The following BICRA variants were observed in gnomAD, a reference collection of about 807,000 sequenced individuals.
BICRA encodes BRD4-interacting chromatin-remodeling complex-associated protein.
In BICRA, 31 loss-of-function variants were observed where a neutral mutation model predicts 96.9. That is an observed-to-expected ratio of 0.32 (90% confidence interval 0.24 to 0.43). The LOEUF (loss-of-function observed/expected upper bound fraction) is 0.43. BICRA is among the 20% of genes least tolerant of loss of function. The pLI, the probability that BICRA is intolerant of heterozygous loss-of-function variation, is 1.00. For synonymous variants in BICRA, 1,350 were observed against 1,071.8 expected, an observed-to-expected ratio of 1.26 and a Z score of -5.07; for missense variants, 2,283 against 2,190.3, an observed-to-expected ratio of 1.04 and a Z score of -0.84.
chr19:47,611,033 G>C (rs1427138384), intron 1 of BICRA, among the ~76,000 whole-genome samples: 1 of 152,114 alleles, frequency 6.6e-6, no homozygotes, highest in Admixed American at 6.5e-5. Context: ...AAATAGAGAC[G>C]GGACAGACAT....
chr19:47,683,589 CT>C (rs11448897), intron 7 of BICRA, among the ~76,000 whole-genome samples: 108 of 144,508 alleles, frequency 7.5e-4, no homozygotes, highest in Non-Finnish European at 7.7e-4. Context: ...GGGCTACGTT[CT>C]TTTTTTTTTT....
intron 1 of BICRA, among the ~76,000 whole-genome samples, chr19:47,622,697 C>T: frequency 7.8e-6 from 1 of 128,116 alleles, no homozygotes; most frequent in African/African-American, 3.0e-5. Flanking sequence ...GCACTCCAGC[C>T]TGGGTGACAG....
intron 11 of BICRA, among the ~76,000 whole-genome samples, chr19:47,697,820 T>C (rs1457474267): frequency 2.6e-5 from 4 of 152,112 alleles, no homozygotes; most frequent in African/African-American, 9.7e-5. Context: ...TCCTCCCACC[T>C]CAGTCTCCTG....
chr19:47,684,922 G>A (rs773736703), intron 7 of BICRA, among the ~76,000 whole-genome samples: 1 of 152,156 alleles, frequency 6.6e-6, no homozygotes, highest in Non-Finnish European at 1.5e-5. Flanking sequence ...CAGAGCCAGC[G>A]CTCAGTGAAC....
intron 1 of BICRA, among the ~76,000 whole-genome samples, chr19:47,615,043 C>T (rs8103999): frequency 0.034 from 5,243 of 152,208 alleles, 266 homozygotes; most frequent in African/African-American, 0.12. Flanking sequence ...AGTGCAGTGG[C>T]GCCATCACTT....
intron 1 of BICRA, among the ~76,000 whole-genome samples, chr19:47,619,210 A>ATG (rs768141914): frequency 1.7e-4 from 24 of 141,472 alleles, no homozygotes; most frequent in Non-Finnish European, 3.3e-4. Flanking sequence ...ACATATATAT[A>ATG]TACACATTTT....
At chr19:47,652,049 G>A (rs1432019916) in intron 1 of BICRA, among the ~76,000 whole-genome samples, 1 of 152,252 alleles carries the variant, frequency 6.6e-6, no homozygotes, top group Non-Finnish European at 1.5e-5. Context: ...GTCCTGGGCA[G>A]ATGTCGGCCT....
Position 47,694,381 on chromosome 19 carries a change from G to C in BICRA, c.2550G>C (p.Pro850=), listed in dbSNP as rs914673501. 3 of 1,055,910 alleles carry C rather than the reference G, an allele frequency of 2.8e-6. No individual in the cohort carries two copies. Among genetic ancestry groups the C allele is most frequent in the Non-Finnish European group, 4.0e-6 (3 of 747,264 alleles). 65.4% of individuals were successfully genotyped at this position (1,055,910 alleles called of 1,614,324 possible). Residue 850 remains proline, a synonymous_variant, in exon 8 of 15, where the codon CCG becomes CCC. Transcript: ENST00000594866. ...QLGVPPPASN[P]APTAPGPPQP... is the part of the protein sequence containing the mutation. ...GCGTTCCCCCGCCTGCCAGCAACCC[G>C]GCCCCTACTGCCCCAGGCCCGCCGC...
intron 1 of BICRA, among the ~76,000 whole-genome samples, chr19:47,664,186 G>A (rs1972742912): frequency 6.6e-6 from 1 of 152,138 alleles, no homozygotes; most frequent in Non-Finnish European, 1.5e-5. Context: ...GCAACCTGAG[G>A]TTACTCCAAT....
chr19:47,701,681 G>C lies in BICRA; in HGVS notation c.3949G>C (p.Gly1317Arg). 6.2e-7 allele frequency: 1 copy of C among 1,603,490 alleles called. No homozygotes were observed. Among genetic ancestry groups the C allele is most frequent in the Non-Finnish European group, 8.5e-7 (1 of 1,176,084 alleles). ...CAAGCTCAAGATCAAGCAGGAAGCC[G>C]GGCTCAGCAAGGTCGTGCACAACAC... Reference protein sequence around the residue: ...GLKLKIKQEAGLSKVVHNTAL... With the variant: ...GLKLKIKQEARLSKVVHNTAL... The change falls in exon 15 of 15, where the codon GGG (glycine) becomes CGG (arginine). Residue 1317 changes from glycine (G) to arginine (R), a missense_variant. Gly to Arg is a moderately radical substitution (Grantham distance 125). Transcript: ENST00000594866. This position sits in a 1 kb window ranked among gnomAD's most constrained non-coding sequence, Gnocchi z 5.4.
At chr19:47,657,531 G>A (rs1390763872) in intron 1 of BICRA, among the ~76,000 whole-genome samples, 2 of 151,904 alleles carry the variant, frequency 1.3e-5, no homozygotes, top group African/African-American at 4.8e-5. Flanking sequence ...CAAGTAGCTG[G>A]GACTACAGGT....
At chr19:47,689,531 C>G (rs1048517986) in intron 7 of BICRA, among the ~76,000 whole-genome samples, 3 of 152,222 alleles carry the variant, frequency 2.0e-5, no homozygotes, top group East Asian at 3.9e-4. Flanking sequence ...CCTGCCTCAG[C>G]CTCCGGAGTA....
rs527885475 is a variant in BICRA, at chr19:47,627,817, T to G, written c.-108+18649T>G. 1.1e-3 allele frequency among the ~76,000 whole-genome samples: 165 copies of G among 152,318 alleles called. No homozygotes were observed. In the Middle Eastern group the frequency reaches 0.014, roughly 13 times the overall value. ...CAGAGTCTTGCTCTGTTGCCCAGGC[T>G]GGAGTGCAGTGGCACGATCTCGGCT... On this transcript the variant is annotated intron_variant, in intron 1 of 14. Transcript: ENST00000594866.
At position 47,681,006 on chromosome 19, in the gene BICRA, C is replaced by T. The variant is rs1285697143; in HGVS notation, c.1836C>T (p.Thr612=). 6 of 1,456,796 alleles carry T rather than the reference C, an allele frequency of 4.1e-6. No individual in the cohort carries two copies. The highest frequency in any genetic ancestry group is 2.3e-4 in the Middle Eastern group (1 of 4,290). 90.2% of individuals were successfully genotyped at this position (1,456,796 alleles called of 1,614,324 possible). The change falls in exon 6 of 15, where the codon ACC becomes ACT. Residue 612 remains threonine, a synonymous_variant. Coordinates refer to ENST00000594866, the MANE Select transcript of BICRA (RefSeq NM_001394372.1). ...LVQPATPAAA[T]GEAAPVLTVQ... is the part of the protein sequence containing the mutation. ...AGCCGGCCACCCCTGCCGCTGCCAC[C>T]GGGGAGGCCGCGCCTGTCCTCACGG...
At chr19:47,678,912 T>TC in intron 5 of BICRA, 1 of 187,522 alleles carries the variant, frequency 5.3e-6, no homozygotes, top group Non-Finnish European at 1.1e-5. Context: ...TTTTTTTTTT[T>TC]TTCTTCTCAA....
At chr19:47,634,340 G>C (rs1226063781) in intron 1 of BICRA, among the ~76,000 whole-genome samples, 1 of 152,196 alleles carries the variant, frequency 6.6e-6, no homozygotes, top group East Asian at 1.9e-4. Flanking sequence ...CATGGGATCT[G>C]CCTTGTGGGA....
intron 1 of BICRA, among the ~76,000 whole-genome samples, chr19:47,650,110 G>T (rs1383898973): frequency 1.3e-5 from 2 of 151,774 alleles, no homozygotes; most frequent in Non-Finnish European, 2.9e-5. Context: ...ATGCCACCAT[G>T]CCTGGCTAAT....
chr19:47,616,730 G>A (rs1450379969), intron 1 of BICRA, among the ~76,000 whole-genome samples: 2 of 152,078 alleles, frequency 1.3e-5, no homozygotes, highest in Non-Finnish European at 2.9e-5. Flanking sequence ...GTGTTGTGAC[G>A]CTTCAATGAG....
At chr19:47,684,744 G>A (rs1973119207) in intron 7 of BICRA, among the ~76,000 whole-genome samples, 1 of 152,290 alleles carries the variant, frequency 6.6e-6, no homozygotes, top group African/African-American at 2.4e-5. Context: ...GCTGGCAAAT[G>A]GTAGGGCCTG....
Sources: allele counts gnomAD v4.1 joint callset (sites outside exome capture counted in the v4.1 genomes callset), GRCh38; gene constraint gnomAD v4.1.1; non-coding constraint Gnocchi (gnomAD v3.1); transcripts MANE v1.5; gene names NCBI Gene and HGNC (gene_info 2026-07-23, HGNC 2026-07-21).